Variants in WDR25 observed in about 807,000 individuals in gnomAD.
WDR25 encodes WD repeat-containing protein 25.
In WDR25, 35 loss-of-function variants were observed where a neutral mutation model predicts 47.7. The ratio of observed to expected loss-of-function variants is 0.73; its 90% CI spans 0.56 to 0.97. WDR25 has a LOEUF of 0.97. Ranked by LOEUF, WDR25 falls within the 50% of genes least tolerant of loss-of-function variation. The pLI, the probability that WDR25 is intolerant of heterozygous loss-of-function variation, is 0.00. For synonymous variants in WDR25, 248 were observed against 278.9 expected, an observed-to-expected ratio of 0.89 and a Z score of 1.10; for missense variants, 634 against 704.7, an observed-to-expected ratio of 0.90 and a Z score of 1.14.
rs1566886988 is a variant in WDR25, at chr14:100,392,361, GTCT to G, written c.822+10622_822+10624del. ...TGGGTTCTTTTCCAGCCACGTCTCT[GTCT>G]TCTTCTGCTTGGTTAGCTCTCCAAA... On this transcript the variant is annotated intron_variant, in intron 2 of 6. Transcript: ENST00000402312. The surrounding 1 kb of genome is among the most constrained non-coding windows in gnomAD (Gnocchi z 4.2). Among the ~76,000 whole-genome samples, 1 of 151,562 alleles carries G rather than the reference GTCT, an allele frequency of 6.6e-6. No individual in the cohort carries two copies. The highest frequency in any genetic ancestry group is 2.4e-5 in the African/African-American group (1 of 41,194).
At position 100,383,789 on chromosome 14, in the gene WDR25, T is replaced by TG. The variant is rs1290005677; in HGVS notation, c.822+2049dup. ...GCCAGGCACGGTGCCACTGGGGACG[T>TG]GGGGGGAGAGACGTTTCTGCCCCCA... is the stretch of plus-strand genomic sequence containing the variant. On this transcript the variant is annotated intron_variant, in intron 2 of 6. Coordinates refer to ENST00000402312, the MANE Select transcript of WDR25 (RefSeq NM_001161476.3). Among the ~76,000 whole-genome samples the TG allele has an allele frequency of 3.3e-5, 5 of 152,240 alleles. No homozygotes were observed. The East Asian group carries it at 9.6e-4, about 29-fold the overall frequency.
In WDR25 at chr14:100,381,412, C is replaced by G. The variant is rs745827855; in HGVS notation, c.488C>G (p.Ser163Cys). The G allele has an allele frequency of 3.1e-6, 5 of 1,614,196 alleles. No homozygotes were observed. Among genetic ancestry groups the G allele is most frequent in the Non-Finnish European group, 4.2e-6 (5 of 1,180,044 alleles). The part of the protein sequence containing the change: ...ESETVGKNGS[S>C]FQKKKCEDCV... ...GAAACCGTAGGTAAAAATGGCAGCT[C>G]TTTTCAGAAGAAAAAATGTGAGGAC... Residue 163 changes from serine to cysteine, a missense_variant, in exon 2 of 7, where the codon TCT becomes TGT. By Grantham distance (112) the Ser-to-Cys change is moderately radical. Transcript: ENST00000402312.
rs1410303704 is a variant in WDR25 at position 100,404,981 on chromosome 14, G to A, written c.822+23235G>A. Among the ~76,000 whole-genome samples, 1 of 152,044 alleles carries A rather than the reference G, an allele frequency of 6.6e-6. No individual in the cohort carries two copies. The highest frequency in any genetic ancestry group is 1.9e-4 in the East Asian group (1 of 5,176). On this transcript the variant is annotated intron_variant, in intron 2 of 6. Coordinates refer to ENST00000402312, the MANE Select transcript of WDR25 (RefSeq NM_001161476.3). The surrounding 1 kb of genome is among the most constrained non-coding windows in gnomAD (Gnocchi z 4.6). ...TGCTAGTTCTGTCTTTCCTGTGCTC[G>A]CAGAATCTGTCTGTCCTCTTGCCCC...
intron 4 of WDR25, among the ~76,000 whole-genome samples, chr14:100,496,828 C>CTTTTTTT (rs1226765543): frequency 8.9e-4 from 65 of 73,428 alleles, no homozygotes; most frequent in South Asian, 1.3e-3. Flanking sequence ...TTCTTTAATT[C>CTTTTTTT]TTTTTTTTTT....
rs542268636 is a variant in WDR25, at chr14:100,404,174, C to A, written c.822+22428C>A. Reference sequence around the variant, plus strand: ...ACGCACATGATTGGTCCCCCTGAAACCTCTGAGGTGCCGATGGCATGCCCC... The same window carrying A: ...ACGCACATGATTGGTCCCCCTGAAAACTCTGAGGTGCCGATGGCATGCCCC... On this transcript the variant is annotated intron_variant, in intron 2 of 6. Transcript: ENST00000402312. This position sits in a 1 kb window ranked among gnomAD's most constrained non-coding sequence, Gnocchi z 4.6. Among the ~76,000 whole-genome samples the A allele has an allele frequency of 6.6e-6, 1 of 152,336 alleles. No homozygotes were observed. Among genetic ancestry groups the A allele is most frequent in the African/African-American group, 2.4e-5 (1 of 41,580 alleles).
At chr14:100,422,942 C>T (rs1175785536) in intron 2 of WDR25, among the ~76,000 whole-genome samples, 2 of 152,070 alleles carry the variant, frequency 1.3e-5, no homozygotes, top group South Asian at 2.1e-4. Flanking sequence ...AAGTGGCGAG[C>T]GTCCCACAGA....
rs1449335078 is a variant in WDR25, at chr14:100,525,599, C to T, written c.1102-271C>T. Among the ~76,000 whole-genome samples, 1 of 152,158 alleles carries T rather than the reference C, an allele frequency of 6.6e-6. No individual in the cohort carries two copies. Among genetic ancestry groups the T allele is most frequent in the Non-Finnish European group, 1.5e-5 (1 of 68,024 alleles). ...CTTCCCTTTGCGCTTTCCCTGGGAT[C>T]CTGCTGCTCTCAAGGGGTGATAGGG... On this transcript the variant is annotated intron_variant, in intron 4 of 6. Transcript: ENST00000402312. This position sits in a 1 kb window ranked among gnomAD's most constrained non-coding sequence, Gnocchi z 4.6.
At position 100,404,521 on chromosome 14, in the gene WDR25, CAG is replaced by C. The variant is rs1197101159; in HGVS notation, c.822+22776_822+22777del. Reference sequence around the variant, plus strand: ...CCCTCTGGTGTTCCTGGCTGGGAAACAGGGGCCCCTACCTGTGGGCTGCGTGG... The same window carrying C: ...CCCTCTGGTGTTCCTGGCTGGGAAACGGGCCCCTACCTGTGGGCTGCGTGG... On this transcript the variant is annotated intron_variant, in intron 2 of 6. Coordinates refer to ENST00000402312, the MANE Select transcript of WDR25 (RefSeq NM_001161476.3). The surrounding 1 kb of genome is among the most constrained non-coding windows in gnomAD (Gnocchi z 4.6). Among the ~76,000 whole-genome samples, 2 of 152,198 alleles carry C rather than the reference CAG, an allele frequency of 1.3e-5. No individual in the cohort carries two copies. The highest frequency in any genetic ancestry group is 4.8e-5 in the African/African-American group (2 of 41,450).
intron 2 of WDR25, among the ~76,000 whole-genome samples, chr14:100,463,598 C>T (rs1056457235): frequency 8.5e-5 from 13 of 152,196 alleles, no homozygotes; most frequent in South Asian, 4.1e-4. Flanking sequence ...CTCAAGGCTG[C>T]GGCACAATTT....
At chr14:100,459,883 T>C (rs1192220335) in intron 2 of WDR25, among the ~76,000 whole-genome samples, 4 of 42,684 alleles carry the variant, frequency 9.4e-5, no homozygotes, top group African/African-American at 4.4e-4. Context: ...TATCCGTATA[T>C]GTGTGTGTGT....
chr14:100,479,232 G>A (rs1900120607), intron 3 of WDR25, among the ~76,000 whole-genome samples: 1 of 152,098 alleles, frequency 6.6e-6, no homozygotes, highest in Non-Finnish European at 1.5e-5. Flanking sequence ...TGAGTCCCTG[G>A]CATAGGCACA....
At chr14:100,497,471 G>A (rs1289130780) in intron 4 of WDR25, among the ~76,000 whole-genome samples, 1 of 152,054 alleles carries the variant, frequency 6.6e-6, no homozygotes, top group Non-Finnish European at 1.5e-5. Context: ...TAAGAAAAAA[G>A]AAACAAAACA....
chr14:100,432,015 G>A (rs1353247004), intron 2 of WDR25, among the ~76,000 whole-genome samples: 1 of 152,108 alleles, frequency 6.6e-6, no homozygotes, highest in African/African-American at 2.4e-5. Flanking sequence ...CAGCCTTGTT[G>A]GTAATTTCTT....
At chr14:100,497,615 G>A (rs936877308) in intron 4 of WDR25, among the ~76,000 whole-genome samples, 16 of 152,160 alleles carry the variant, frequency 1.1e-4, no homozygotes, top group African/African-American at 3.9e-4. Context: ...GTTGCTTTTT[G>A]TATTTTGTCC....
At chr14:100,413,629 G>C (rs1411394905) in intron 2 of WDR25, among the ~76,000 whole-genome samples, 2 of 151,956 alleles carry the variant, frequency 1.3e-5, no homozygotes, top group African/African-American at 4.8e-5. Context: ...TAGCCAGGAT[G>C]GTCTCGATCT....
rs371216836 is a variant in WDR25, at chr14:100,476,315, AAGTT to A, written c.971-7675_971-7672del. Among the ~76,000 whole-genome samples the A allele has an allele frequency of 4.0e-4, 61 of 152,308 alleles. 1 individual carries two copies. The East Asian group carries it at 9.1e-3, about 23-fold the overall frequency. Reference sequence around the variant, plus strand: ...TTCTGATGCATAAAGTTTGATTTGAAAGTTAGTAAGTTTCTTTTCTCGTTAACTT... The same window carrying A: ...TTCTGATGCATAAAGTTTGATTTGAAAGTAAGTTTCTTTTCTCGTTAACTT... On this transcript the variant is annotated intron_variant, in intron 3 of 6. Transcript: ENST00000402312.
At chr14:100,473,111 A>G (rs1422546215) in intron 3 of WDR25, among the ~76,000 whole-genome samples, 2 of 152,190 alleles carry the variant, frequency 1.3e-5, no homozygotes, top group Non-Finnish European at 2.9e-5. Flanking sequence ...ATTCACAGAA[A>G]TGCTACAAGG....
intron 2 of WDR25, among the ~76,000 whole-genome samples, chr14:100,451,440 G>A (rs555376953): frequency 1.9e-4 from 29 of 152,134 alleles, no homozygotes; most frequent in Admixed American, 5.9e-4. Flanking sequence ...GGCTGGTCTC[G>A]AACTCCTGGG....
chr14:100,418,285 G>A (rs756094381), intron 2 of WDR25, among the ~76,000 whole-genome samples: 1 of 151,404 alleles, frequency 6.6e-6, no homozygotes, highest in Non-Finnish European at 1.5e-5. Context: ...TTTTGTACAT[G>A]ATACACACAA....
Sources: gnomAD v4.1 joint callset for allele counts (sites outside exome capture counted in the v4.1 genomes callset) on GRCh38, gnomAD v4.1.1 for gene constraint, Gnocchi (gnomAD v3.1) non-coding constraint, MANE v1.5 for transcripts, NCBI Gene and HGNC (gene_info 2026-07-23, HGNC 2026-07-21) for gene names.